Variants in ATP8A1 observed in about 807,000 individuals in gnomAD.
The protein encoded by ATP8A1 is ATPase phospholipid transporting 8A1.
ATP8A1 carries 90 observed loss-of-function variants against 177.7 expected under a neutral mutation model. The observed-to-expected ratio is 0.51, with a 90% CI of 0.43 to 0.60. The LOEUF (loss-of-function observed/expected upper bound fraction) is 0.60, where lower values mean the gene tolerates loss of function less well. ATP8A1 is among the 20% of genes least tolerant of loss of function. The pLI is 0.00. For missense variants in ATP8A1, 1,072 were observed against 1,392.8 expected, an observed-to-expected ratio of 0.77 and a Z score of 3.67; for synonymous variants, 493 against 485.9, an observed-to-expected ratio of 1.01 and a Z score of -0.19.
At chr4:42,636,406 GGAGA>G (rs34510239) in intron 1 of ATP8A1, among the ~76,000 whole-genome samples, 87,630 of 150,544 alleles carry the variant, frequency 0.58, 26,601 homozygotes, top group Non-Finnish European at 0.68. Context: ...ACGGGTAGGG[GGAGA>G]GAGAGAGAGA....
chr4:42,656,830 G>GC lies in ATP8A1; in HGVS notation c.43dup (p.Ala15GlyfsTer5). On this transcript the variant is annotated frameshift_variant, in exon 1 of 37. Transcript: ENST00000381668. LOFTEE classifies it high-confidence loss of function. ...GAGCCTCGGCGGCCCCTTACCTTCG[G>GC]CGCGCGAGCGGATCTCCGACACGGT... 6.3e-7 allele frequency: 1 copy of GC among 1,579,280 alleles called. No homozygotes were observed. Among genetic ancestry groups the GC allele is most frequent in the Non-Finnish European group, 8.6e-7 (1 of 1,162,880 alleles).
intron 7 of ATP8A1, among the ~76,000 whole-genome samples, chr4:42,590,141 A>G (rs1399990470): frequency 6.6e-6 from 1 of 152,194 alleles, no homozygotes; most frequent in Admixed American, 6.5e-5. Flanking sequence ...AGGCTTTTTG[A>G]TTAGTAAGTG....
intron 33 of ATP8A1, among the ~76,000 whole-genome samples, chr4:42,441,649 A>G (rs188346053): frequency 2.1e-4 from 32 of 152,276 alleles, no homozygotes; most frequent in African/African-American, 7.2e-4. Flanking sequence ...ATTTACACGC[A>G]CACACACCCA....
intron 35 of ATP8A1, chr4:42,415,135 C>T (rs1163968310): frequency 1.3e-5 from 2 of 153,770 alleles, no homozygotes; most frequent in African/African-American, 4.8e-5. Context: ...TTAGTTATTA[C>T]TATTTTTTTC....
At chr4:42,428,969 T>TA (rs1307292668) in intron 33 of ATP8A1, among the ~76,000 whole-genome samples, 1 of 152,204 alleles carries the variant, frequency 6.6e-6, no homozygotes, top group African/African-American at 2.4e-5. Flanking sequence ...ATCCTCTTGT[T>TA]AGACTATATA....
Position 42,507,029 on chromosome 4 carries a change from A to G in ATP8A1, c.2073T>C (p.Thr691=). Residue 691 remains threonine (T), a synonymous_variant, in exon 23 of 37, where the codon ACT becomes ACC. Transcript: ENST00000381668. The stretch of plus-strand genomic sequence containing the variant: ...TAGGTGAATTACCGATGTTAATGGC[A>G]GTTTCTTGCTTGTCCCCTGTAAGGA... The part of the protein sequence containing the change: ...IWILTGDKQE[T]AINIGHSCKL... 1 of 1,613,580 alleles carries G rather than the reference A, an allele frequency of 6.2e-7. No homozygotes were observed. The highest frequency in any genetic ancestry group is 8.5e-7 in the Non-Finnish European group (1 of 1,179,874).
intron 36 of ATP8A1, among the ~76,000 whole-genome samples, chr4:42,413,384 T>C (rs1019461298): frequency 2.0e-5 from 3 of 152,186 alleles, no homozygotes; most frequent in Middle Eastern, 3.4e-3. Flanking sequence ...ATAGGTCAGG[T>C]GGATGAGAGG....
chr4:42,642,924 C>T (rs145902088), intron 1 of ATP8A1, among the ~76,000 whole-genome samples: 83 of 152,312 alleles, frequency 5.4e-4, no homozygotes, highest in African/African-American at 1.9e-3. Flanking sequence ...AAAATCTGAA[C>T]AGCCTGATCT....
intron 20 of ATP8A1, among the ~76,000 whole-genome samples, chr4:42,541,342 A>G (rs1159309164): frequency 6.6e-6 from 1 of 152,190 alleles, no homozygotes. Flanking sequence ...CATCTATTAG[A>G]ATAGCCCAAA....
At chr4:42,447,252 C>T (rs980087652) in intron 30 of ATP8A1, among the ~76,000 whole-genome samples, 5 of 152,170 alleles carry the variant, frequency 3.3e-5, no homozygotes, top group South Asian at 4.2e-4. Context: ...GGCGTGATCT[C>T]GGCTCACTGC....
At chr4:42,639,312 A>G (rs1342703044) in intron 1 of ATP8A1, among the ~76,000 whole-genome samples, 1 of 152,186 alleles carries the variant, frequency 6.6e-6, no homozygotes, top group Non-Finnish European at 1.5e-5. Flanking sequence ...ACTGGAGGAA[A>G]GGTGTTGTAA....
intron 14 of ATP8A1, among the ~76,000 whole-genome samples, chr4:42,573,215 T>TA (rs1271313154): frequency 6.6e-6 from 1 of 152,110 alleles, no homozygotes; most frequent in Non-Finnish European, 1.5e-5. Flanking sequence ...TCACACAAAG[T>TA]AAAAAACAAT....
rs752071925 is a variant in ATP8A1, at chr4:42,586,445, A to C, written c.626T>G (p.Val209Gly). ...GLPATSDIKD[V>G]DSLMRISGRI... The stretch of plus-strand genomic sequence containing the variant: ...GCCAGAAATCCTCATCAAACTGTCA[A>C]CGTCTTTGATATCTGATGTTGCTGG... Residue 209 changes from valine to glycine, a missense_variant, in exon 9 of 37, where the codon GTT becomes GGT. Physicochemically the swap from Val to Gly is moderately radical, Grantham distance 109. Transcript: ENST00000381668. 1.2e-6 allele frequency: 2 copies of C among 1,614,110 alleles called. No homozygotes were observed. The highest frequency in any genetic ancestry group is 1.7e-6 in the Non-Finnish European group (2 of 1,179,960).
chr4:42,513,691 G>C (rs573633021), intron 22 of ATP8A1, among the ~76,000 whole-genome samples: 5 of 152,200 alleles, frequency 3.3e-5, no homozygotes, highest in African/African-American at 1.2e-4. Context: ...AGCCAGCAGG[G>C]AATGGAAATG....
chr4:42,555,733 G>A (rs1730153753), intron 16 of ATP8A1, among the ~76,000 whole-genome samples: 1 of 152,080 alleles, frequency 6.6e-6, no homozygotes, highest in Non-Finnish European at 1.5e-5. Context: ...TGAGGCAGGA[G>A]AAATGGCTTG....
intron 23 of ATP8A1, among the ~76,000 whole-genome samples, chr4:42,504,773 A>G (rs1374984458): frequency 5.9e-5 from 9 of 152,252 alleles, no homozygotes; most frequent in Non-Finnish European, 1.3e-4. Flanking sequence ...GCTGAGAACC[A>G]TCAAGTGATG....
chr4:42,494,397 C>G (rs1723060076), intron 24 of ATP8A1, among the ~76,000 whole-genome samples: 2 of 152,128 alleles, frequency 1.3e-5, no homozygotes, highest in South Asian at 4.1e-4. Context: ...ATCGCTTGAA[C>G]CTGGGAGGTG....
intron 20 of ATP8A1, among the ~76,000 whole-genome samples, chr4:42,532,827 C>T (rs746779804): frequency 1.3e-5 from 2 of 152,236 alleles, no homozygotes; most frequent in Non-Finnish European, 2.9e-5. Context: ...GGATGACATT[C>T]CACTATTGTG....
chr4:42,567,971 G>C (rs1731522606), intron 15 of ATP8A1, among the ~76,000 whole-genome samples: 1 of 152,200 alleles, frequency 6.6e-6, no homozygotes, highest in Non-Finnish European at 1.5e-5. Flanking sequence ...AAAATTAATA[G>C]AATTATGTTA....
Sources: allele counts gnomAD v4.1 joint callset (sites outside exome capture counted in the v4.1 genomes callset), GRCh38; gene constraint gnomAD v4.1.1; transcripts MANE v1.5; gene names NCBI Gene and HGNC (gene_info 2026-07-23, HGNC 2026-07-21).